The following PRKCE variants were observed in gnomAD, a reference collection of about 807,000 sequenced individuals.
PRKCE encodes the protein protein kinase C epsilon type.
Under a neutral mutation model 85.4 loss-of-function variants are expected in PRKCE, and 16 were observed. The ratio of observed to expected loss-of-function variants is 0.19; its 90% CI spans 0.13 to 0.28. PRKCE has a LOEUF of 0.28. Among genes scored for constraint, PRKCE ranks in the 10% least tolerant of loss-of-function variants. PRKCE has a pLI of 1.00. For synonymous variants in PRKCE, 388 were observed against 371.5 expected (o/e 1.04, Z -0.51); for missense variants, 573 against 975.2 (o/e 0.59, Z 5.49).
At chr2:46,180,924 A>G (rs1297391830) in intron 14 of PRKCE, among the ~76,000 whole-genome samples, 3 of 152,184 alleles carry the variant, frequency 2.0e-5, no homozygotes, top group Non-Finnish European at 4.4e-5. Context: ...GTTGTAGAAA[A>G]GGCTTCACGG....
At chr2:45,730,539 G>T (rs917977339) in intron 1 of PRKCE, among the ~76,000 whole-genome samples, 1 of 149,458 alleles carries the variant, frequency 6.7e-6, no homozygotes, top group Admixed American at 6.7e-5. Context: ...GGCTCACTGC[G>T]ACTTCTGCCT....
chr2:46,076,392 G>A (rs1026697569), intron 10 of PRKCE, among the ~76,000 whole-genome samples: 3 of 152,156 alleles, frequency 2.0e-5, no homozygotes, highest in Admixed American at 6.5e-5. Flanking sequence ...CTTCTTTCCC[G>A]TGGCTTTCAC....
intron 11 of PRKCE, among the ~76,000 whole-genome samples, chr2:46,125,437 A>G (rs1488689427): frequency 6.6e-6 from 1 of 152,234 alleles, no homozygotes; most frequent in Non-Finnish European, 1.5e-5. Flanking sequence ...GTGGGAGTCA[A>G]TTTATCTGAA....
At chr2:46,010,572 T>C (rs1705579015) in intron 10 of PRKCE, 55 bp downstream of exon 10, 1 of 1,597,972 alleles carries the variant, frequency 6.3e-7, no homozygotes, top group Admixed American at 1.7e-5. Flanking sequence ...GACTATCAGA[T>C]AAAATACCAA....
chr2:46,061,859 C>CTTTTTCTTT (rs1667165973), intron 10 of PRKCE, among the ~76,000 whole-genome samples: 5,875 of 107,814 alleles, frequency 0.054, 402 homozygotes, highest in African/African-American at 0.13. Context: ...TTTTCTTTTT[C>CTTTTTCTTT]TTTTTTTTTT....
intron 1 of PRKCE, among the ~76,000 whole-genome samples, chr2:45,819,858 A>G (rs1270327929): frequency 1.3e-5 from 2 of 152,186 alleles, no homozygotes; most frequent in African/African-American, 4.8e-5. Flanking sequence ...CAATAGTAAG[A>G]CTACAGTGAA....
At chr2:46,025,267 C>G (rs1481905527) in intron 10 of PRKCE, among the ~76,000 whole-genome samples, 1 of 152,170 alleles carries the variant, frequency 6.6e-6, no homozygotes, top group African/African-American at 2.4e-5. Flanking sequence ...AACAGCTGTG[C>G]AGGAGCAGTA....
chr2:45,884,567 G>A (rs972734753), intron 2 of PRKCE, among the ~76,000 whole-genome samples: 5 of 152,118 alleles, frequency 3.3e-5, no homozygotes, highest in African/African-American at 9.7e-5. Flanking sequence ...AATGTTATAG[G>A]AATAAAGGGA....
rs142781550 is a variant in PRKCE at position 46,024,909 on chromosome 2, A to G, written c.1437+14392A>G. 3.3e-5 allele frequency among the ~76,000 whole-genome samples: 5 copies of G among 152,358 alleles called. No individual in the cohort carries two copies. In the East Asian group the frequency reaches 9.6e-4, roughly 29 times the overall value. On this transcript the variant is annotated intron_variant, in intron 10 of 14. Transcript: ENST00000306156. ...ACACAACCAAAGGAAACACGTTGTC[A>G]TGAATGGTGAAATACTTCTACCATC... is the stretch of plus-strand genomic sequence containing the variant.
intron 2 of PRKCE, among the ~76,000 whole-genome samples, chr2:45,922,538 A>G (rs956490542): frequency 2.0e-5 from 3 of 152,026 alleles, no homozygotes; most frequent in Non-Finnish European, 4.4e-5. Context: ...TAACTTTTGG[A>G]TGACCCGCCA....
At chr2:45,978,788 T>A (rs528319938) in intron 3 of PRKCE, 188 bp from the exon 4 acceptor site, 32 of 577,438 alleles carry the variant, frequency 5.5e-5, no homozygotes, top group African/African-American at 4.9e-4. Flanking sequence ...GCACTGGGAC[T>A]GCCCTCTGTG....
intron 1 of PRKCE, among the ~76,000 whole-genome samples, chr2:45,812,298 G>C (rs563690277): frequency 6.6e-6 from 1 of 152,362 alleles, no homozygotes; most frequent in Admixed American, 6.5e-5. Flanking sequence ...GGAGTGAGAA[G>C]CCACAGATCT....
chr2:46,101,154 C>T (rs370880445), intron 11 of PRKCE, among the ~76,000 whole-genome samples: 8 of 152,186 alleles, frequency 5.3e-5, no homozygotes, highest in African/African-American at 1.9e-4. Context: ...AGGTGTGAGC[C>T]ACCATGCCTG....
chr2:45,712,971 G>C (rs1679791755), intron 1 of PRKCE, among the ~76,000 whole-genome samples: 1 of 152,182 alleles, frequency 6.6e-6, no homozygotes, highest in Admixed American at 6.5e-5. Flanking sequence ...GAATAATAAT[G>C]ATAATTACGA....
intron 10 of PRKCE, among the ~76,000 whole-genome samples, chr2:46,061,104 CT>C (rs565280374): frequency 0.041 from 4,238 of 103,434 alleles, 34 homozygotes; most frequent in East Asian, 0.089. Flanking sequence ...CTTTTTTTTC[CT>C]TTTTTTTTTT....
chr2:45,744,643 T>C (rs1682992082), intron 1 of PRKCE, among the ~76,000 whole-genome samples: 1 of 151,620 alleles, frequency 6.6e-6, no homozygotes. Context: ...AGTCTCGCTG[T>C]GTCACCCAGG....
rs544152110 is a variant in PRKCE, at chr2:45,651,807, C to T, written c.-294C>T. ...GCGGCTTGCAGCGGAGCCGACAGCT[C>T]GTCTTCTCTTCTGGAGGTGCAGCTG... is the stretch of plus-strand genomic sequence containing the variant. On this transcript the variant is annotated 5_prime_UTR_variant, in exon 1 of 15. Transcript: ENST00000306156. 1.6e-4 allele frequency: 45 copies of T among 273,840 alleles called. No homozygotes were observed. The highest frequency in any genetic ancestry group is 8.3e-4 in the African/African-American group (38 of 45,846). 17.0% of individuals were successfully genotyped at this position (273,840 alleles called of 1,614,324 possible).
intron 1 of PRKCE, among the ~76,000 whole-genome samples, chr2:45,804,116 T>C (rs975355530): frequency 2.0e-5 from 3 of 152,190 alleles, no homozygotes; most frequent in Non-Finnish European, 4.4e-5. Context: ...ACCAGTTGAG[T>C]GTCTTGCCTG....
chr2:46,053,295 TACTTTTTAATAAA>T, intron 10 of PRKCE, among the ~76,000 whole-genome samples: 1 of 151,954 alleles, frequency 6.6e-6, no homozygotes, highest in Non-Finnish European at 1.5e-5. Context: ...TAAGGGAGCT[TACTTTTTAATAAA>T]AAAAAGTTAC....
Sources: gnomAD v4.1 joint callset for allele counts (sites outside exome capture counted in the v4.1 genomes callset) on GRCh38, gnomAD v4.1.1 for gene constraint, MANE v1.5 for transcripts, NCBI Gene and HGNC (gene_info 2026-07-23, HGNC 2026-07-21) for gene names.